Variants in SLC26A7 observed in about 807,000 individuals in gnomAD.
SLC26A7 encodes the protein solute carrier family 26 member 7.
SLC26A7 carries 59 observed loss-of-function variants against 82.5 expected under a neutral mutation model. The observed-to-expected ratio is 0.72, with a 90% CI of 0.58 to 0.89. The LOEUF is 0.89. SLC26A7 is among the 40% of genes least tolerant of loss of function. SLC26A7 has a pLI of 0.00. For missense variants in SLC26A7, 820 were observed against 793.0 expected (o/e 1.03, Z -0.41); for synonymous variants, 271 against 274.3 (o/e 0.99, Z 0.12).
At chr8:91,352,576 TCAAA>T (rs1328768911) in intron 10 of SLC26A7, among the ~76,000 whole-genome samples, 1 of 152,130 alleles carries the variant, frequency 6.6e-6, no homozygotes, top group Non-Finnish European at 1.5e-5. Flanking sequence ...CAAATACTTT[TCAAA>T]CAAATGACCG....
intron 2 of SLC26A7, among the ~76,000 whole-genome samples, chr8:91,286,130 A>G (rs1811702997): frequency 6.6e-6 from 1 of 152,186 alleles, no homozygotes; most frequent in South Asian, 2.1e-4. Flanking sequence ...AGCTACTTAC[A>G]TGCTTTCATG....
At chr8:91,279,161 ATATATG>A (rs1198500668) in intron 2 of SLC26A7, among the ~76,000 whole-genome samples, 57 of 112,956 alleles carry the variant, frequency 5.0e-4, no homozygotes, top group African/African-American at 1.6e-3. Flanking sequence ...ATATATATAT[ATATATG>A]TATCACATTT....
chr8:91,310,244 G>T (rs1164908659), intron 4 of SLC26A7, among the ~76,000 whole-genome samples: 1 of 152,146 alleles, frequency 6.6e-6, no homozygotes, highest in Non-Finnish European at 1.5e-5. Flanking sequence ...CCGCCAACAG[G>T]CGTCAAAGAC....
At chr8:91,246,291 G>T (rs1462386637), upstream of SLC26A7, among the ~76,000 whole-genome samples, 1 of 152,200 alleles carries the variant, frequency 6.6e-6, no homozygotes, top group Non-Finnish European at 1.5e-5. Flanking sequence ...AGCAATTTAT[G>T]TGAATAATCC....
chr8:91,245,114 T>G (rs1446738294), upstream of SLC26A7, among the ~76,000 whole-genome samples: 1 of 152,186 alleles, frequency 6.6e-6, no homozygotes, highest in African/African-American at 2.4e-5. Flanking sequence ...AAGAGTATTT[T>G]TTAAATAAAC....
chr8:91,335,977 G>A (rs983904161), intron 6 of SLC26A7, among the ~76,000 whole-genome samples: 1 of 152,148 alleles, frequency 6.6e-6, no homozygotes, highest in East Asian at 1.9e-4. Context: ...GGACACCTCC[G>A]TCCTCACTTC....
chr8:91,320,148 C>T (rs1310218349), intron 5 of SLC26A7, among the ~76,000 whole-genome samples: 7 of 152,000 alleles, frequency 4.6e-5, no homozygotes, highest in African/African-American at 1.7e-4. Context: ...CTGCAACCTC[C>T]GCCTCCTGGG....
chr8:91,244,786 G>A (rs1046027514), upstream of SLC26A7, among the ~76,000 whole-genome samples: 9 of 151,910 alleles, frequency 5.9e-5, no homozygotes, highest in African/African-American at 1.9e-4. Context: ...CTCCCAAAGT[G>A]CTAGGATTAT....
chr8:91,310,068 G>A (rs1812436802), intron 4 of SLC26A7, among the ~76,000 whole-genome samples: 1 of 151,692 alleles, frequency 6.6e-6, no homozygotes, highest in Non-Finnish European at 1.5e-5. Context: ...CTATCTGTTG[G>A]GAGACTTCCT....
Position 91,366,558 on chromosome 8 carries a change from ATC to A in SLC26A7, c.1489-20_1489-19del, listed in dbSNP as rs767860239. On this transcript the variant is annotated intron_variant, in intron 13 of 18. Coordinates refer to ENST00000276609, the MANE Select transcript of SLC26A7 (RefSeq NM_052832.4). ...TATAATTTTCTATTTAGAGTTCTGA[ATC>A]TGTTTTTCTCCTCCAAAAGGAAACC... 6.2e-7 allele frequency: 1 copy of A among 1,606,374 alleles called. No homozygotes were observed. Among genetic ancestry groups the A allele is most frequent in the Non-Finnish European group, 8.5e-7 (1 of 1,178,218 alleles).
At chr8:91,367,078 G>GC (rs1319739448) in intron 14 of SLC26A7, among the ~76,000 whole-genome samples, 1 of 151,904 alleles carries the variant, frequency 6.6e-6, no homozygotes, top group African/African-American at 2.4e-5. Context: ...TGCCATCTCG[G>GC]CTCACTGCAA....
intron 2 of SLC26A7, among the ~76,000 whole-genome samples, chr8:91,240,384 G>C (rs928763495): frequency 1.3e-5 from 2 of 152,132 alleles, no homozygotes; most frequent in East Asian, 3.8e-4. Context: ...AATTAATGGG[G>C]AGAATGAGAA....
At chr8:91,388,459 T>G (rs1244481094) in intron 15 of SLC26A7, among the ~76,000 whole-genome samples, 1 of 152,212 alleles carries the variant, frequency 6.6e-6, no homozygotes, top group Non-Finnish European at 1.5e-5. Context: ...ATGTAGCCAC[T>G]ATACAGAAAA....
At chr8:91,275,408 C>T (rs555781910) in intron 2 of SLC26A7, among the ~76,000 whole-genome samples, 34 of 152,236 alleles carry the variant, frequency 2.2e-4, no homozygotes, top group African/African-American at 7.5e-4. Context: ...AAATGATCCT[C>T]CCACTTCCGT....
At chr8:91,368,197 A>G (rs1814249020) in intron 14 of SLC26A7, among the ~76,000 whole-genome samples, 1 of 152,164 alleles carries the variant, frequency 6.6e-6, no homozygotes, top group South Asian at 2.1e-4. Context: ...TGATTTATCA[A>G]CATGTTTACT....
rs528060004 is a variant in SLC26A7 at position 91,229,848 on chromosome 8, G to A, written c.-34+10843G>A. On this transcript the variant is annotated intron_variant, in intron 2 of 5. Coordinates refer to the SLC26A7 transcript ENST00000522862. ...GAATGTTAGCAAACAATGGATACCCGTTTATATAGTAATGTCATAAACATT... is the reference window on the plus strand; with the variant it reads ...GAATGTTAGCAAACAATGGATACCCATTTATATAGTAATGTCATAAACATT... Among the ~76,000 whole-genome samples the A allele has an allele frequency of 5.9e-5, 9 of 152,174 alleles. No homozygotes were observed. The East Asian group carries it at 9.7e-4, about 16-fold the overall frequency.
At chr8:91,225,075 T>C (rs912694991) in intron 2 of SLC26A7, among the ~76,000 whole-genome samples, 2 of 152,202 alleles carry the variant, frequency 1.3e-5, no homozygotes, top group Non-Finnish European at 2.9e-5. Flanking sequence ...TAGAAATGGG[T>C]GCCGCCTTTC....
intron 8 of SLC26A7, chr8:91,343,112 A>G: frequency 2.7e-6 from 1 of 376,342 alleles, no homozygotes; most frequent in Non-Finnish European, 4.9e-6. Flanking sequence ...ATTAAAAAAA[A>G]ATAGTATTTC....
At chr8:91,282,448 T>G (rs1242730569) in intron 2 of SLC26A7, among the ~76,000 whole-genome samples, 2 of 152,132 alleles carry the variant, frequency 1.3e-5, no homozygotes, top group Non-Finnish European at 2.9e-5. Context: ...TCCTCCTCCT[T>G]TCTCCCTAAT....
Sources: allele counts gnomAD v4.1 joint callset (sites outside exome capture counted in the v4.1 genomes callset), GRCh38; gene constraint gnomAD v4.1.1; transcripts MANE v1.5; gene names NCBI Gene and HGNC (gene_info 2026-07-23, HGNC 2026-07-21).